PALLD: variants seen among roughly 807,000 people sequenced by gnomAD.
The protein encoded by PALLD is palladin, cytoskeletal associated protein.
In PALLD, 61 loss-of-function variants were observed where a neutral mutation model predicts 123.5. That is an observed-to-expected ratio of 0.49 (90% CI 0.40 to 0.61). PALLD has a LOEUF of 0.61. Among genes scored for constraint, PALLD ranks in the 20% least tolerant of loss-of-function variants. PALLD has a pLI of 0.00. For missense variants in PALLD, 1,273 were observed against 1,377.0 expected, an observed-to-expected ratio of 0.92 and a Z score of 1.20; for synonymous variants, 465 against 496.4, an observed-to-expected ratio of 0.94 and a Z score of 0.84.
chr4:168,905,663 G>GTTT (rs1363744698), intron 15 of PALLD, among the ~76,000 whole-genome samples: 3 of 150,632 alleles, frequency 2.0e-5, no homozygotes, highest in African/African-American at 7.3e-5. Context: ...AGTTCTAAAT[G>GTTT]TTTTAATCAA....
chr4:168,549,196 A>G (rs545244720), intron 2 of PALLD, among the ~76,000 whole-genome samples: 4 of 151,894 alleles, frequency 2.6e-5, no homozygotes, highest in African/African-American at 9.7e-5. Context: ...TGAGTGATGA[A>G]TTTTCTTTTT....
At chr4:168,497,516 A>G (rs952661419) in intron 1 of PALLD, among the ~76,000 whole-genome samples, 2 of 152,190 alleles carry the variant, frequency 1.3e-5, no homozygotes, top group African/African-American at 4.8e-5. Context: ...GCTTTTGTCA[A>G]GATCGTGTAT....
intron 10 of PALLD, chr4:168,832,079 C>A: frequency 1.0e-6 from 1 of 985,450 alleles, no homozygotes. Flanking sequence ...AGCCCGATAC[C>A]TGCCCCGCGC....
At chr4:168,606,604 G>A (rs901972004) in intron 2 of PALLD, among the ~76,000 whole-genome samples, 101 of 151,332 alleles carry the variant, frequency 6.7e-4, no homozygotes, top group African/African-American at 2.5e-3. Flanking sequence ...AACCTGGGAG[G>A]CGGAGCTTGC....
chr4:168,718,648 A>T (rs1486879481), intron 10 of PALLD, among the ~76,000 whole-genome samples: 4 of 152,220 alleles, frequency 2.6e-5, no homozygotes, highest in Non-Finnish European at 4.4e-5. Context: ...ACCAGTTGTC[A>T]CTGTCTTGTG....
chr4:168,761,987 T>C (rs1459855054), intron 10 of PALLD, among the ~76,000 whole-genome samples: 3 of 152,152 alleles, frequency 2.0e-5, no homozygotes, highest in Non-Finnish European at 1.5e-5. Flanking sequence ...GGTTTTCATT[T>C]ATAAGGGAAG....
chr4:168,917,205 C>G lies in PALLD; in HGVS notation c.2850+1178C>G, dbSNP rs28442249. Reference sequence around the variant, plus strand: ...CTGGAAGTACAGGCACGCACCACCACGCCCAGTTAATTTTTTGTATCTTTA... The same window carrying G: ...CTGGAAGTACAGGCACGCACCACCAGGCCCAGTTAATTTTTTGTATCTTTA... On this transcript the variant is annotated intron_variant, in intron 17 of 21. Transcript: ENST00000505667. Among the ~76,000 whole-genome samples, 577 of 151,522 alleles carry G rather than the reference C, an allele frequency of 3.8e-3. 3 individuals carry two copies. Among genetic ancestry groups the G allele is most frequent in the African/African-American group, 0.013 (528 of 41,300 alleles).
intron 10 of PALLD, among the ~76,000 whole-genome samples, chr4:168,776,000 TG>T (rs1287248761): frequency 1.3e-5 from 2 of 152,236 alleles, no homozygotes; most frequent in Non-Finnish European, 1.5e-5. Flanking sequence ...AATAGAAAGT[TG>T]TTTTGGCTAC....
chr4:168,671,791 T>C (rs74832268), intron 3 of PALLD, among the ~76,000 whole-genome samples: 4,817 of 152,318 alleles, frequency 0.032, 110 homozygotes, highest in Non-Finnish European at 0.043. Flanking sequence ...CATATTCCTA[T>C]TGAATTGCTT....
chr4:168,585,413 A>T, intron 2 of PALLD, among the ~76,000 whole-genome samples: 1 of 152,108 alleles, frequency 6.6e-6, no homozygotes, highest in East Asian at 1.9e-4. Flanking sequence ...TGTAGCTTCA[A>T]TTATACTGGC....
At chr4:168,538,192 T>C (rs972118121) in intron 2 of PALLD, among the ~76,000 whole-genome samples, 17 of 152,230 alleles carry the variant, frequency 1.1e-4, no homozygotes, top group African/African-American at 3.9e-4. Flanking sequence ...ACGGGAATGA[T>C]AATTGAAAAT....
Position 168,684,868 on chromosome 4 carries a change from C to T in PALLD, c.1261-617C>T, listed in dbSNP as rs188135972. Among the ~76,000 whole-genome samples, 392 of 152,262 alleles carry T rather than the reference C, an allele frequency of 2.6e-3. 2 individuals are homozygous for T. The highest frequency in any genetic ancestry group is 4.2e-3 in the Non-Finnish European group (285 of 68,008). On this transcript the variant is annotated intron_variant, in intron 5 of 21. Coordinates refer to ENST00000505667, the MANE Select transcript of PALLD (RefSeq NM_001166108.2). ...AACCACTTACATAAGTGAATAAATC[C>T]AGATCATTTAAAAATAAGTGATAGT...
rs113400369 is a variant in PALLD at position 168,801,330 on chromosome 4, G to A, written c.1964+89407G>A. ...GTCTCACTCTCTTGCCCAGGCTGGAGTGCAGTGGCACGATCTTGGCTCACT... is the reference window on the plus strand; with the variant it reads ...GTCTCACTCTCTTGCCCAGGCTGGAATGCAGTGGCACGATCTTGGCTCACT... On this transcript the variant is annotated intron_variant, in intron 10 of 21. Transcript: ENST00000505667. Among the ~76,000 whole-genome samples the A allele has an allele frequency of 2.9e-3, 440 of 152,340 alleles. 1 individual carries two copies. The highest frequency in any genetic ancestry group is 0.01 in the African/African-American group (420 of 41,582).
chr4:168,684,890 T>C (rs529611638), intron 5 of PALLD, among the ~76,000 whole-genome samples: 71 of 152,304 alleles, frequency 4.7e-4, no homozygotes, highest in African/African-American at 1.5e-3. Context: ...AAATAAGTGA[T>C]AGTACACAAA....
At chr4:168,902,611 T>C (rs1203736608) in intron 14 of PALLD, among the ~76,000 whole-genome samples, 1 of 152,090 alleles carries the variant, frequency 6.6e-6, no homozygotes, top group Non-Finnish European at 1.5e-5. Flanking sequence ...CACCGCACTC[T>C]GCACTCCAGC....
intron 10 of PALLD, among the ~76,000 whole-genome samples, chr4:168,850,086 A>C (rs1362307780): frequency 6.6e-6 from 1 of 152,202 alleles, no homozygotes; most frequent in Non-Finnish European, 1.5e-5. Context: ...CTAAAAAATG[A>C]AAGATCTGAT....
chr4:168,597,061 A>C (rs1345733846), intron 2 of PALLD, among the ~76,000 whole-genome samples: 2 of 152,194 alleles, frequency 1.3e-5, no homozygotes, highest in African/African-American at 4.8e-5. Context: ...GATTTGAAGC[A>C]TGATTGACAG....
chr4:168,599,838 A>C (rs541524381), intron 2 of PALLD, among the ~76,000 whole-genome samples: 1 of 152,326 alleles, frequency 6.6e-6, no homozygotes, highest in East Asian at 1.9e-4. Context: ...GTAACCATGA[A>C]ATTTATCCAA....
chr4:168,608,227 T>C (rs1580552160), intron 2 of PALLD, among the ~76,000 whole-genome samples: 2 of 152,218 alleles, frequency 1.3e-5, no homozygotes, highest in East Asian at 3.8e-4. Context: ...CCCATTCCTG[T>C]GAGTAACTCC....
Sources: allele counts gnomAD v4.1 joint callset (sites outside exome capture counted in the v4.1 genomes callset), GRCh38; gene constraint gnomAD v4.1.1; transcripts MANE v1.5; gene names NCBI Gene and HGNC (gene_info 2026-07-23, HGNC 2026-07-21).